Variants in PCDHA12 observed in about 807,000 individuals in gnomAD.
PCDHA12 encodes the protein protocadherin alpha-12.
A neutral mutation model predicts 60.0 loss-of-function variants in PCDHA12; 44 were observed. The observed-to-expected ratio is 0.73, with a 90% CI of 0.58 to 0.94. The LOEUF (loss-of-function observed/expected upper bound fraction) is 0.94. Ranked by LOEUF, PCDHA12 falls within the 40% of genes least tolerant of loss-of-function variation. PCDHA12 has a pLI of 0.00. For missense variants in PCDHA12, 1,276 were observed against 1,239.7 expected, an observed-to-expected ratio of 1.03 and a Z score of -0.44; for synonymous variants, 569 against 553.0, an observed-to-expected ratio of 1.03 and a Z score of -0.40.
At chr5:140,893,050 A>G (rs967159859) in intron 1 of PCDHA12, among the ~76,000 whole-genome samples, 1 of 152,248 alleles carries the variant, frequency 6.6e-6, no homozygotes, top group Non-Finnish European at 1.5e-5. Context: ...CTCCAGGCTC[A>G]GCCATACTGC....
rs60032403 is a variant in PCDHA12 at position 140,941,214 on chromosome 5, C to CCTTT, written c.2368-37696_2368-37693dup. Among the ~76,000 whole-genome samples, 254 of 122,478 alleles carry CCTTT rather than the reference C, an allele frequency of 2.1e-3. 3 individuals carry two copies. The highest frequency in any genetic ancestry group is 3.1e-3 in the Non-Finnish European group (180 of 58,666). 80.4% of individuals were successfully genotyped at this position (122,478 alleles called of 152,430 possible). Reference sequence around the variant, plus strand: ...TTTTTTCTTTCTTCCTTTCTTTCTTCCTTTCTTTCTTTCTTTCTTTCTTTC... The same window carrying CCTTT: ...TTTTTTCTTTCTTCCTTTCTTTCTTCCTTTCTTTCTTTCTTTCTTTCTTTCTTTC... On this transcript the variant is annotated intron_variant, in intron 1 of 3. Coordinates refer to ENST00000398631, the MANE Select transcript of PCDHA12 (RefSeq NM_018903.4).
At chr5:140,927,400 C>A in intron 1 of PCDHA12, 1 of 1,614,126 alleles carries the variant, frequency 6.2e-7, no homozygotes, top group Non-Finnish European at 8.5e-7. Context: ...TCAGCACTTT[C>A]GCCTGGACAT....
intron 1 of PCDHA12, among the ~76,000 whole-genome samples, chr5:140,894,254 A>G (rs566555133): frequency 6.6e-6 from 1 of 152,128 alleles, no homozygotes; most frequent in Admixed American, 6.5e-5. Flanking sequence ...TCTTTTCTTT[A>G]CAAGTGGTAG....
chr5:140,891,970 C>G (rs1554185021), intron 1 of PCDHA12, among the ~76,000 whole-genome samples: 1 of 152,170 alleles, frequency 6.6e-6, no homozygotes, highest in East Asian at 1.9e-4. Flanking sequence ...AGTAAATTTC[C>G]GTTCTCATAA....
intron 1 of PCDHA12, among the ~76,000 whole-genome samples, chr5:140,954,268 A>C (rs1381458746): frequency 2.0e-5 from 3 of 152,224 alleles, no homozygotes; most frequent in African/African-American, 7.2e-5. Flanking sequence ...TCTTTATAAT[A>C]GGATGATTTA....
At chr5:140,901,982 A>G (rs1250710466) in intron 1 of PCDHA12, among the ~76,000 whole-genome samples, 2 of 151,818 alleles carry the variant, frequency 1.3e-5, no homozygotes, top group Non-Finnish European at 1.5e-5. Flanking sequence ...TTACTTTTTA[A>G]TTTCATTTTC....
At chr5:140,898,816 C>T (rs1216644860) in intron 1 of PCDHA12, among the ~76,000 whole-genome samples, 5 of 152,148 alleles carry the variant, frequency 3.3e-5, no homozygotes, top group African/African-American at 1.2e-4. Context: ...TTCTTCCTAC[C>T]CATGAGCATG....
chr5:141,009,724 T>C lies in PCDHA12; in HGVS notation c.2613T>C (p.Gly871=). ...KYGPGNPKQS[G]PGELPDKFII... The stretch of plus-strand genomic sequence containing the variant: ...GACCAGGCAACCCCAAACAATCCGG[T>C]CCCGGTGAGTTGCCCGACAAATTCA... Residue 871 remains glycine, a synonymous_variant, in exon 4 of 4, where the codon GGT becomes GGC. Transcript: ENST00000398631. 6.2e-7 allele frequency: 1 copy of C among 1,614,116 alleles called. No individual in the cohort carries two copies. Among genetic ancestry groups the C allele is most frequent in the South Asian group, 1.1e-5 (1 of 91,062 alleles).
chr5:140,910,608 C>A (rs1161072744), intron 1 of PCDHA12, among the ~76,000 whole-genome samples: 3 of 152,208 alleles, frequency 2.0e-5, no homozygotes, highest in Non-Finnish European at 2.9e-5. Context: ...TCTAAACTGA[C>A]TAATCCACTC....
chr5:140,968,866 A>G, intron 1 of PCDHA12: 1 of 1,614,230 alleles, frequency 6.2e-7, no homozygotes, highest in Non-Finnish European at 8.5e-7. Flanking sequence ...GCCCTCGGAC[A>G]TACTCTGAAA....
intron 1 of PCDHA12, among the ~76,000 whole-genome samples, chr5:140,961,590 A>C (rs1554225489): frequency 2.0e-5 from 3 of 152,100 alleles, no homozygotes; most frequent in Non-Finnish European, 4.4e-5. Flanking sequence ...TATTTTGGCA[A>C]TGATTCTAGT....
intron 3 of PCDHA12, among the ~76,000 whole-genome samples, chr5:140,995,316 A>G (rs2097676169): frequency 1.3e-5 from 2 of 152,222 alleles, no homozygotes; most frequent in South Asian, 4.1e-4. Context: ...TTCTAAGTGA[A>G]CTAACAGGTG....
chr5:140,927,953 C>T (rs782230690), intron 1 of PCDHA12: 48 of 1,614,090 alleles, frequency 3.0e-5, no homozygotes, highest in Non-Finnish European at 2.1e-5. Flanking sequence ...GAGGACGCTG[C>T]CCCTGGCACA....
intron 1 of PCDHA12, among the ~76,000 whole-genome samples, chr5:140,973,878 A>T (rs1440672302): frequency 6.6e-6 from 1 of 152,214 alleles, no homozygotes; most frequent in African/African-American, 2.4e-5. Context: ...GGTCAGAATA[A>T]TGTCAATTTG....
At chr5:140,901,941 T>C (rs1350790379) in intron 1 of PCDHA12, among the ~76,000 whole-genome samples, 3 of 152,110 alleles carry the variant, frequency 2.0e-5, no homozygotes, top group African/African-American at 7.2e-5. Flanking sequence ...CTAGGTATAT[T>C]TAGTTTTATT....
At chr5:140,992,261 G>A (rs1056414788) in intron 3 of PCDHA12, among the ~76,000 whole-genome samples, 1 of 152,172 alleles carries the variant, frequency 6.6e-6, no homozygotes, top group Non-Finnish European at 1.5e-5. Context: ...AAAGATGAAA[G>A]TTCTTTTCGT....
At chr5:140,989,657 A>G (rs1045043697) in intron 3 of PCDHA12, among the ~76,000 whole-genome samples, 7 of 152,228 alleles carry the variant, frequency 4.6e-5, no homozygotes, top group African/African-American at 1.7e-4. Flanking sequence ...CAATATTTTA[A>G]AAGAAACTCT....
At chr5:140,891,317 C>A (rs2063039508) in intron 1 of PCDHA12, among the ~76,000 whole-genome samples, 1 of 151,808 alleles carries the variant, frequency 6.6e-6, no homozygotes, top group South Asian at 2.1e-4. Context: ...TGAGTAAGTT[C>A]TTTGGTGGTG....
intron 1 of PCDHA12, among the ~76,000 whole-genome samples, chr5:140,890,753 C>A (rs1274674281): frequency 3.3e-5 from 5 of 152,114 alleles, no homozygotes; most frequent in Admixed American, 2.6e-4. Flanking sequence ...TTCTGTCATG[C>A]TTTAAAAATA....
Sources: allele counts gnomAD v4.1 joint callset (sites outside exome capture counted in the v4.1 genomes callset), GRCh38; gene constraint gnomAD v4.1.1; transcripts MANE v1.5; gene names NCBI Gene and HGNC (gene_info 2026-07-23, HGNC 2026-07-21).